The following OPA1 variants were observed in gnomAD, a reference collection of about 807,000 sequenced individuals.
OPA1 encodes OPA1 mitochondrial dynamin like GTPase, also known as dynamin-like GTPase OPA1, mitochondrial.
A neutral mutation model predicts 152.9 loss-of-function variants in OPA1; 59 were observed. The observed-to-expected ratio is 0.39, with a 90% CI of 0.31 to 0.48. The LOEUF (loss-of-function observed/expected upper bound fraction) is 0.48, where lower values mean the gene tolerates loss of function less well. Among genes scored for constraint, OPA1 ranks in the 20% least tolerant of loss-of-function variants. OPA1 has a pLI of 0.96. For missense variants in OPA1, 1,008 were observed against 1,216.8 expected, an observed-to-expected ratio of 0.83 and a Z score of 2.55; for synonymous variants, 400 against 389.9, an observed-to-expected ratio of 1.03 and a Z score of -0.31.
intron 1 of OPA1, among the ~76,000 whole-genome samples, chr3:193,603,213 C>T (rs535732863): frequency 2.4e-4 from 36 of 152,346 alleles, no homozygotes; most frequent in African/African-American, 8.4e-4. Context: ...AAGGACCAGG[C>T]GGCCGTCCGG....
At position 193,603,865 on chromosome 3, in the gene OPA1, T is replaced by C. The variant is rs892146367; in HGVS notation, c.32+10456T>C. On this transcript the variant is annotated intron_variant, in intron 1 of 30. Coordinates refer to ENST00000361510, the MANE Select transcript of OPA1 (RefSeq NM_130837.3). ...CTTGTATAGCAACACGAGGGGCCAC[T>C]ATTTCTGATACTACACTCACACCGT... Among the ~76,000 whole-genome samples the C allele has an allele frequency of 4.7e-4, 72 of 152,232 alleles. 5 individuals are homozygous for C. The highest frequency in any genetic ancestry group is 1.5e-5 in the Non-Finnish European group (1 of 68,040).
chr3:193,632,710 A>T (rs1263692552), intron 8 of OPA1, among the ~76,000 whole-genome samples: 5 of 152,180 alleles, frequency 3.3e-5, no homozygotes, highest in South Asian at 4.2e-4. Flanking sequence ...ATCTATAAAA[A>T]TTTTTTTAAA....
In OPA1 at chr3:193,692,028, A is replaced by G. The variant is rs1213498334; in HGVS notation, c.2984-35A>G. The G allele has an allele frequency of 3.2e-6, 4 of 1,264,748 alleles. No homozygotes were observed. The South Asian group carries it at 5.1e-5, about 16-fold the overall frequency. 78.3% of individuals were successfully genotyped at this position (1,264,748 alleles called of 1,614,324 possible). A position where few individuals can be genotyped will look rare whatever the true frequency, so the allele number is the denominator to read the frequency against. On this transcript the variant is annotated intron_variant, in intron 29 of 30. Transcript: ENST00000361510. ...ACCTCCTGATTTGTGATACCTTTGA[A>G]AAATAAATGTTTTTCTTTATTTTTA...
chr3:193,613,710 T>C (rs1476161302), intron 1 of OPA1, among the ~76,000 whole-genome samples: 6 of 152,228 alleles, frequency 3.9e-5, no homozygotes, highest in Non-Finnish European at 8.8e-5. Flanking sequence ...CCTGAATAGC[T>C]GGGATTACAG....
rs1560079327 is a variant in OPA1 at position 193,688,444 on chromosome 3, C to CTTT, written c.2984-3617_2984-3615dup. Among the ~76,000 whole-genome samples, 15 of 38,518 alleles carry CTTT rather than the reference C, an allele frequency of 3.9e-4. 3 individuals carry two copies. The highest frequency in any genetic ancestry group is 8.3e-4 in the Non-Finnish European group (14 of 16,844). 25.3% of individuals were successfully genotyped at this position (38,518 alleles called of 152,430 possible). On this transcript the variant is annotated intron_variant, in intron 29 of 30. Transcript: ENST00000361510. ...TTCCCTGATTTTTACTGAAATGGGT[C>CTTT]TTTTCTTTTTTTTTTTTTTTTTTTT... is the stretch of plus-strand genomic sequence containing the variant.
chr3:193,617,941 C>T, intron 5 of OPA1, 104 bp downstream of exon 5: 1 of 786,712 alleles, frequency 1.3e-6, no homozygotes, highest in South Asian at 1.4e-5. Flanking sequence ...GCTGCTTATG[C>T]TGAATTTTAA....
intron 10 of OPA1, 89 bp from the exon 11 acceptor site, chr3:193,637,863 T>TA (rs548726972): frequency 9.1e-7 from 1 of 1,094,338 alleles, no homozygotes; most frequent in Non-Finnish European, 1.4e-6. Flanking sequence ...TTTAAAAGAC[T>TA]AAAAAACTCA....
At chr3:193,604,547 AG>A (rs942993868) in intron 1 of OPA1, among the ~76,000 whole-genome samples, 11 of 152,188 alleles carry the variant, frequency 7.2e-5, no homozygotes, top group African/African-American at 2.7e-4. Context: ...TGTCCCAAAT[AG>A]TGGACTTTTT....
Position 193,620,884 on chromosome 3 carries a change from T to C in OPA1, c.678+1948T>C, listed in dbSNP as rs962198199. On this transcript the variant is annotated intron_variant, in intron 6 of 30. Transcript: ENST00000361510. ...GTGATTTTGAGACTTGTGTACAAATTGATGGTTGAATGTAAGCATGCAAAG... is the reference window on the plus strand; with the variant it reads ...GTGATTTTGAGACTTGTGTACAAATCGATGGTTGAATGTAAGCATGCAAAG... Among the ~76,000 whole-genome samples, 16 of 152,200 alleles carry C rather than the reference T, an allele frequency of 1.1e-4. 1 individual carries two copies. Among genetic ancestry groups the C allele is most frequent in the African/African-American group, 2.7e-4 (11 of 41,444 alleles).
chr3:193,619,426 A>G (rs1729639050), intron 6 of OPA1, among the ~76,000 whole-genome samples: 1 of 152,252 alleles, frequency 6.6e-6, no homozygotes, highest in African/African-American at 2.4e-5. Context: ...GAATTGGGTT[A>G]TTAGGAAATA....
chr3:193,628,743 G>T (rs1007478212), intron 7 of OPA1: 2 of 152,178 alleles, frequency 1.3e-5, no homozygotes. Context: ...CCAATTGCTA[G>T]TTAAGACCTA....
intron 10 of OPA1, among the ~76,000 whole-genome samples, chr3:193,637,707 T>C (rs1733163819): frequency 6.6e-6 from 1 of 152,178 alleles, no homozygotes; most frequent in Admixed American, 6.5e-5. Context: ...AAATACTGGT[T>C]TAAATTAGCA....
At position 193,625,776 on chromosome 3, in the gene OPA1, TAAAAA is replaced by T. The variant is rs35044042; in HGVS notation, c.679-305_679-301del. Among the ~76,000 whole-genome samples, 37 of 142,818 alleles carry T rather than the reference TAAAAA, an allele frequency of 2.6e-4. 1 individual carries two copies. The highest frequency in any genetic ancestry group is 3.6e-3 in the Middle Eastern group (1 of 278). The allele number at this position is 142,818 out of a possible 152,430, so 93.7% of individuals were successfully genotyped here. A position where few individuals can be genotyped will look rare whatever the true frequency, so the allele number is the denominator to read the frequency against. Reference sequence around the variant, plus strand: ...TTTAGACCAGTAAGATCAACACTGTTAAAAAAAAAAAAAAATCAGTATTTTTTCTC... The same window carrying T: ...TTTAGACCAGTAAGATCAACACTGTTAAAAAAAAAATCAGTATTTTTTCTC... On this transcript the variant is annotated intron_variant, in intron 6 of 30. Transcript: ENST00000361510.
chr3:193,674,451 G>A (rs960700972), intron 29 of OPA1, among the ~76,000 whole-genome samples: 1 of 152,148 alleles, frequency 6.6e-6, no homozygotes, highest in Non-Finnish European at 1.5e-5. Context: ...TACTAAAAGG[G>A]AGCAGCAGCA....
intron 11 of OPA1, among the ~76,000 whole-genome samples, chr3:193,639,655 G>A (rs972534900): frequency 6.6e-6 from 1 of 152,184 alleles, no homozygotes; most frequent in Non-Finnish European, 1.5e-5. Context: ...ATAGGCCATT[G>A]TACAGACTTC....
Position 193,638,029 on chromosome 3 carries a change from A to G in OPA1, c.1113A>G (p.Arg371=). ...EMIAQARIFP[R]GSGEMMTRSP... is the part of the protein sequence containing the mutation. ...TTGCCCAAGCTCGAATATTCCCAAGAGGATCTGGGGAGATGATGACACGTT... is the reference window on the plus strand; with the variant it reads ...TTGCCCAAGCTCGAATATTCCCAAGGGGATCTGGGGAGATGATGACACGTT... Residue 371 remains arginine, a synonymous_variant, in exon 11 of 31, where the codon AGA becomes AGG. Transcript: ENST00000361510. The G allele has an allele frequency of 6.2e-7, 1 of 1,614,158 alleles. No homozygotes were observed. Among genetic ancestry groups the G allele is most frequent in the Non-Finnish European group, 8.5e-7 (1 of 1,179,960 alleles).
intron 1 of OPA1, among the ~76,000 whole-genome samples, chr3:193,609,123 A>G (rs1727763938): frequency 6.6e-6 from 1 of 152,074 alleles, no homozygotes; most frequent in Non-Finnish European, 1.5e-5. Context: ...GGTTTCCTGA[A>G]TACAGCACAC....
intron 3 of OPA1, among the ~76,000 whole-genome samples, chr3:193,616,704 G>A (rs1159760062): frequency 6.6e-6 from 1 of 152,136 alleles, no homozygotes. Context: ...ATGATTGCCA[G>A]TAATTCATGG....
chr3:193,655,087 G>A, intron 22 of OPA1, 60 bp downstream of exon 22: 1 of 1,504,632 alleles, frequency 6.6e-7, no homozygotes, highest in Non-Finnish European at 9.2e-7. Flanking sequence ...TAGGAGCTGT[G>A]AATTTTAGAT....
Sources: gnomAD v4.1 joint callset for allele counts (sites outside exome capture counted in the v4.1 genomes callset) on GRCh38, gnomAD v4.1.1 for gene constraint, MANE v1.5 for transcripts, NCBI Gene and HGNC (gene_info 2026-07-23, HGNC 2026-07-21) for gene names.